KIF5C: variants seen among roughly 807,000 people sequenced by gnomAD.
The protein encoded by KIF5C is kinesin family member 5C, also known as kinesin heavy chain isoform 5C.
Under a neutral mutation model 125.2 loss-of-function variants are expected in KIF5C, and 18 were observed. That is an observed-to-expected ratio of 0.14 (90% CI 0.10 to 0.21). The LOEUF is 0.21. KIF5C is among the 10% of genes least tolerant of loss of function. The pLI is 1.00. For missense variants in KIF5C, 780 were observed against 1,183.8 expected, an observed-to-expected ratio of 0.66 and a Z score of 5.01; for synonymous variants, 405 against 434.0, an observed-to-expected ratio of 0.93 and a Z score of 0.83.
intron 15 of KIF5C, among the ~76,000 whole-genome samples, chr2:148,986,965 C>T (rs1681395350): frequency 6.6e-6 from 1 of 152,196 alleles, no homozygotes; most frequent in Non-Finnish European, 1.5e-5. Flanking sequence ...CTTTCATGTA[C>T]TGGTGGCACT....
intron 25 of KIF5C, among the ~76,000 whole-genome samples, chr2:149,014,896 A>G (rs899590034): frequency 4.6e-5 from 7 of 152,188 alleles, no homozygotes; most frequent in African/African-American, 1.7e-4. Flanking sequence ...GGGCTTTTAA[A>G]GATAATATTG....
chr2:149,020,408 TC>T (rs1682498355), intron 25 of KIF5C: 1 of 152,218 alleles, frequency 6.6e-6, no homozygotes, highest in Non-Finnish European at 1.5e-5. Context: ...AGGTGGGGCC[TC>T]CTTTGTGGCC....
chr2:149,000,217 C>G, intron 19 of KIF5C: 1 of 498,106 alleles, frequency 2.0e-6, no homozygotes, highest in Non-Finnish European at 3.4e-6. Context: ...CCTTATGTTT[C>G]ATGACTCTTA....
intron 11 of KIF5C, among the ~76,000 whole-genome samples, chr2:148,969,457 GTGTGTA>G (rs1413567757): frequency 6.6e-6 from 1 of 151,442 alleles, no homozygotes; most frequent in Non-Finnish European, 1.5e-5. Flanking sequence ...GTGTGTGTGT[GTGTGTA>G]TGTGTGTGGG....
chr2:149,021,483 C>T (rs1432697373), intron 25 of KIF5C, among the ~76,000 whole-genome samples: 1 of 151,798 alleles, frequency 6.6e-6, no homozygotes, highest in Non-Finnish European at 1.5e-5. Context: ...CTTTAATAAC[C>T]CCTTTCTAGA....
intron 1 of KIF5C, among the ~76,000 whole-genome samples, chr2:148,875,983 A>G (rs1172726037): frequency 2.0e-4 from 30 of 151,282 alleles, no homozygotes; most frequent in African/African-American, 6.8e-4. Flanking sequence ...ATGGGGGGCG[A>G]AGACGGGCTC....
intron 1 of KIF5C, 47 bp downstream of exon 1, chr2:148,875,790 T>G: frequency 6.4e-7 from 1 of 1,568,522 alleles, no homozygotes; most frequent in Non-Finnish European, 8.6e-7. Context: ...GCGCCGCAGC[T>G]GGGCGCCCCG....
In KIF5C at chr2:148,924,540, T is replaced by G. The variant is rs1681917832; in HGVS notation, c.217+2313T>G. Among the ~76,000 whole-genome samples the G allele has an allele frequency of 6.6e-6, 1 of 152,224 alleles. No homozygotes were observed. Among genetic ancestry groups the G allele is most frequent in the African/African-American group, 2.4e-5 (1 of 41,454 alleles). On this transcript the variant is annotated intron_variant, in intron 2 of 25. Transcript: ENST00000435030. This position sits in a 1 kb window ranked among gnomAD's most constrained non-coding sequence, Gnocchi z 4.0. ...TGTGGAGTCCTGGCATCTCTCATGC[T>G]CCCATCTTTGTCTGGTGTTTGTTTT...
chr2:148,922,597 A>C (rs1450547744), intron 2 of KIF5C, among the ~76,000 whole-genome samples: 4 of 152,204 alleles, frequency 2.6e-5, no homozygotes, highest in African/African-American at 9.7e-5. Context: ...CTGATGCTCC[A>C]GTTGTACATC....
In KIF5C at chr2:148,971,392, G is replaced by A. The variant is rs897196502; in HGVS notation, c.1118-1944G>A. On this transcript the variant is annotated intron_variant, in intron 11 of 25. Transcript: ENST00000435030. ...AAAAGAACATGGTACAGCTTTTATA[G>A]CCCATGGATTTAGCAGACTGTAGAG... Among the ~76,000 whole-genome samples the A allele has an allele frequency of 5.3e-5, 8 of 151,872 alleles. No homozygotes were observed. In the East Asian group the frequency reaches 1.4e-3, roughly 26 times the overall value.
At chr2:148,997,484 G>C in intron 18 of KIF5C, 144 bp downstream of exon 18, 2 of 1,435,888 alleles carry the variant, frequency 1.4e-6, no homozygotes, top group Non-Finnish European at 9.5e-7. Flanking sequence ...ATTCAGAGTC[G>C]ATCTCAGAGT....
intron 1 of KIF5C, among the ~76,000 whole-genome samples, chr2:148,917,404 T>G (rs1299885095): frequency 6.6e-6 from 1 of 152,220 alleles, no homozygotes; most frequent in Non-Finnish European, 1.5e-5. Context: ...GAAGAACCCT[T>G]GAAGTAAGGG....
intron 1 of KIF5C, among the ~76,000 whole-genome samples, chr2:148,885,115 A>G (rs1681479263): frequency 6.6e-6 from 1 of 151,910 alleles, no homozygotes; most frequent in Non-Finnish European, 1.5e-5. Context: ...CCTCCCTAGT[A>G]GCTGGGATTA....
intron 1 of KIF5C, among the ~76,000 whole-genome samples, chr2:148,915,480 G>C (rs1681508758): frequency 6.6e-6 from 1 of 152,190 alleles, no homozygotes; most frequent in East Asian, 1.9e-4. Context: ...TTTTATGAAG[G>C]AAAAGGTGTA....
chr2:148,931,067 G>A (rs988576787), intron 3 of KIF5C, among the ~76,000 whole-genome samples: 2 of 152,144 alleles, frequency 1.3e-5, no homozygotes, highest in Admixed American at 6.5e-5. Flanking sequence ...AGAGAGATAC[G>A]GTGTCTAGTG....
At chr2:148,887,073 C>T (rs1199562496) in intron 1 of KIF5C, among the ~76,000 whole-genome samples, 1 of 152,082 alleles carries the variant, frequency 6.6e-6, no homozygotes, top group African/African-American at 2.4e-5. Flanking sequence ...TGTAGGTAGT[C>T]AAATTGGGAT....
chr2:148,875,488 C>A lies in KIF5C; in HGVS notation c.-130C>A. On this transcript the variant is annotated 5_prime_UTR_variant, in exon 1 of 26. The change creates a new upstream start codon in the 5' untranslated region. Coordinates refer to ENST00000435030, the MANE Select transcript of KIF5C (RefSeq NM_004522.3). ...AGCCGGCCGGGCTCGCGATGACCTGCTGAGAAGCGTCGTCGGAGGCTGCAG... is the reference window on the plus strand; with the variant it reads ...AGCCGGCCGGGCTCGCGATGACCTGATGAGAAGCGTCGTCGGAGGCTGCAG... 1.3e-6 allele frequency: 1 copy of A among 764,332 alleles called. No individual in the cohort carries two copies. The allele number at this position is 764,332 out of a possible 1,614,324, so 47.3% of individuals were successfully genotyped here.
At position 148,994,446 on chromosome 2, in the gene KIF5C, C is replaced by T; in HGVS notation, c.1931C>T (p.Thr644Ile). 6.4e-7 allele frequency: 1 copy of T among 1,569,944 alleles called. No homozygotes were observed. Among genetic ancestry groups the T allele is most frequent in the Non-Finnish European group, 8.6e-7 (1 of 1,157,646 alleles). ...CACGAAGCCAAGATCAAGTCTCTGA[C>T]AGACTACATGCAGAACATGGAACAG... ...SQHEAKIKSLTDYMQNMEQKR... is the reference protein window; with the variant it reads ...SQHEAKIKSLIDYMQNMEQKR... The change falls in exon 17 of 26, where the codon ACA becomes ATA. Residue 644 changes from threonine (T) to isoleucine (I), a missense_variant. Thr to Ile is a moderately conservative substitution (Grantham distance 89). Transcript: ENST00000435030.
chr2:148,956,344 A>G (rs1682791872), intron 10 of KIF5C, among the ~76,000 whole-genome samples: 1 of 152,214 alleles, frequency 6.6e-6, no homozygotes, highest in Non-Finnish European at 1.5e-5. Flanking sequence ...TCCTCTTTCC[A>G]TTCTTTAGTA....
Sources: gnomAD v4.1 joint callset for allele counts (sites outside exome capture counted in the v4.1 genomes callset) on GRCh38, gnomAD v4.1.1 for gene constraint, Gnocchi (gnomAD v3.1) non-coding constraint, MANE v1.5 for transcripts, NCBI Gene and HGNC (gene_info 2026-07-23, HGNC 2026-07-21) for gene names.